The following DAPK2 variants were observed in gnomAD, a reference collection of about 807,000 sequenced individuals.
The protein encoded by DAPK2 is death-associated protein kinase 2.
A neutral mutation model predicts 44.1 loss-of-function variants in DAPK2; 35 were observed. The ratio of observed to expected loss-of-function variants is 0.79; its 90% confidence interval spans 0.61 to 1.05. DAPK2 has a LOEUF of 1.05. Among genes scored for constraint, DAPK2 ranks in the 50% least tolerant of loss-of-function variants. The pLI, the probability that DAPK2 is intolerant of heterozygous loss-of-function variation, is 0.00. For missense variants in DAPK2, 453 were observed against 483.2 expected, an observed-to-expected ratio of 0.94 and a Z score of 0.59; for synonymous variants, 174 against 182.6, an observed-to-expected ratio of 0.95 and a Z score of 0.38.
intron 7 of DAPK2, among the ~76,000 whole-genome samples, chr15:63,925,723 T>C (rs947874363): frequency 4.0e-5 from 5 of 126,348 alleles, no homozygotes; most frequent in African/African-American, 8.9e-5. Context: ...CACACACACA[T>C]TATTTACATT....
chr15:63,968,031 T>G (rs541279120), intron 3 of DAPK2, among the ~76,000 whole-genome samples: 2 of 152,074 alleles, frequency 1.3e-5, no homozygotes, highest in African/African-American at 4.8e-5. Context: ...AAATCCATCA[T>G]GGAGAATGAA....
At chr15:64,018,108 T>G (rs2079581334) in intron 1 of DAPK2, among the ~76,000 whole-genome samples, 1 of 152,282 alleles carries the variant, frequency 6.6e-6, no homozygotes, top group South Asian at 2.1e-4. Context: ...CCCCAAAACA[T>G]ACATCCTTTC....
chr15:63,955,666 T>C (rs2077703884), intron 3 of DAPK2, among the ~76,000 whole-genome samples: 1 of 152,100 alleles, frequency 6.6e-6, no homozygotes, highest in African/African-American at 2.4e-5. Context: ...CTCCAGGGCT[T>C]AGGTGATCCT....
chr15:63,966,061 T>C lies in DAPK2; in HGVS notation c.453+5362A>G, dbSNP rs6494456. 0.4 allele frequency among the ~76,000 whole-genome samples: 61,603 copies of C among 152,126 alleles called. 12,974 individuals carry two copies. The highest frequency in any genetic ancestry group is 0.45 in the Non-Finnish European group (30,494 of 67,966). ...TGCTGGGTCACACCTGAAGCCAGCA[T>C]GTCTCTGAGTGCACATCTCTGAGTG... On this transcript the variant is annotated intron_variant, in intron 3 of 10. Coordinates refer to ENST00000261891, the Ensembl canonical transcript of DAPK2. The surrounding 1 kb of genome is among the most constrained non-coding windows in gnomAD (Gnocchi z 5.5).
Position 64,020,751 on chromosome 15 carries a change from C to T in DAPK2, c.92+19419G>A, listed in dbSNP as rs2079658551. ...TAAAGAAAGTCCCTGTTCCCAAAAG[C>T]ACCTCAGGTACTAGAAGGAATAAAT... is the stretch of plus-strand genomic sequence containing the variant. On this transcript the variant is annotated intron_variant, in intron 1 of 10. Transcript: ENST00000261891. This position sits in a 1 kb window ranked among gnomAD's most constrained non-coding sequence, Gnocchi z 4.5. 6.6e-6 allele frequency among the ~76,000 whole-genome samples: 1 copy of T among 152,190 alleles called. No homozygotes were observed. Among genetic ancestry groups the T allele is most frequent in the Non-Finnish European group, 1.5e-5 (1 of 68,034 alleles).
Position 64,020,727 on chromosome 15 carries a change from A to G in DAPK2, c.92+19443T>C, listed in dbSNP as rs1567278517. 1.3e-5 allele frequency among the ~76,000 whole-genome samples: 2 copies of G among 152,242 alleles called. No homozygotes were observed. Among genetic ancestry groups the G allele is most frequent in the Admixed American group, 6.5e-5 (1 of 15,288 alleles). On this transcript the variant is annotated intron_variant, in intron 1 of 10. Transcript: ENST00000261891. The surrounding 1 kb of genome is among the most constrained non-coding windows in gnomAD (Gnocchi z 4.5). ...GGTAGCCCCTTGACAGCAGGCCTCT[A>G]AAGAAAGTCCCTGTTCCCAAAAGCA...
intron 1 of DAPK2, among the ~76,000 whole-genome samples, chr15:63,994,637 T>A (rs11631973): frequency 2.3e-4 from 34 of 147,076 alleles, no homozygotes; most frequent in Non-Finnish European, 7.4e-5. Flanking sequence ...TCGCCCAGGC[T>A]GGAGTGCAAT....
In DAPK2 at chr15:63,924,867, A is replaced by G. The variant is rs754250731; in HGVS notation, c.813-6T>C. On this transcript the variant is annotated splice_region_variant and splice_polypyrimidine_tract_variant and intron_variant, in intron 7 of 10. Coordinates refer to ENST00000261891, the Ensembl canonical transcript of DAPK2. The stretch of plus-strand genomic sequence containing the variant: ...CTTGGATTGTGAGCCGTTTCCTGCA[A>G]TGAGGATTGGGAAACAGTGATGATC... 4.3e-6 allele frequency: 7 copies of G among 1,613,958 alleles called. No homozygotes were observed. The East Asian group carries it at 6.7e-5, about 15-fold the overall frequency.
intron 1 of DAPK2, among the ~76,000 whole-genome samples, chr15:64,010,746 A>G (rs1231582211): frequency 2.0e-5 from 3 of 152,202 alleles, no homozygotes; most frequent in Non-Finnish European, 2.9e-5. Context: ...TATCCCATTC[A>G]TGAAGACAAG....
At chr15:63,924,900 A>T in intron 7 of DAPK2, 39 bp from the exon 9 acceptor site, 3 of 1,611,570 alleles carry the variant, frequency 1.9e-6, no homozygotes, top group Non-Finnish European at 1.7e-6. Context: ...ATCCATGAGG[A>T]CAGAAGTTGG....
chr15:63,931,925 G>A (rs1294221761), intron 4 of DAPK2, among the ~76,000 whole-genome samples: 2 of 152,150 alleles, frequency 1.3e-5, no homozygotes, highest in African/African-American at 4.8e-5. Flanking sequence ...AGCACTTTGG[G>A]AGGCCAAGGT....
At chr15:63,996,977 C>A (rs575128036) in intron 1 of DAPK2, among the ~76,000 whole-genome samples, 65 of 152,320 alleles carry the variant, frequency 4.3e-4, no homozygotes, top group African/African-American at 1.2e-3. Flanking sequence ...GCCCACAAGC[C>A]TGGAGGGCTG....
At chr15:63,968,938 AAAC>A (rs1225723342) in intron 3 of DAPK2, among the ~76,000 whole-genome samples, 10 of 152,326 alleles carry the variant, frequency 6.6e-5, no homozygotes, top group South Asian at 6.2e-4. Context: ...AGACACAATA[AAAC>A]AACAAGTTAA....
intron 2 of DAPK2, among the ~76,000 whole-genome samples, chr15:63,978,745 C>T (rs1315135601): frequency 6.6e-6 from 1 of 152,160 alleles, no homozygotes; most frequent in Non-Finnish European, 1.5e-5. Flanking sequence ...AAGTTTCTTT[C>T]CTCTTACATC....
At chr15:64,024,517 G>A (rs530996595) in intron 1 of DAPK2, among the ~76,000 whole-genome samples, 20 of 152,342 alleles carry the variant, frequency 1.3e-4, no homozygotes, top group Non-Finnish European at 2.6e-4. Flanking sequence ...AACCCCATGA[G>A]ATAGCAACCA....
At chr15:63,981,068 C>A (rs568978205) in intron 2 of DAPK2, among the ~76,000 whole-genome samples, 260 of 136,310 alleles carry the variant, frequency 1.9e-3, no homozygotes, top group African/African-American at 6.4e-3. Context: ...CTAGCCTAGA[C>A]GACAGAGCGA....
Position 64,020,545 on chromosome 15 carries a change from G to A in DAPK2, c.92+19625C>T, listed in dbSNP as rs535113885. Among the ~76,000 whole-genome samples, 84 of 152,256 alleles carry A rather than the reference G, an allele frequency of 5.5e-4. No homozygotes were observed. The highest frequency in any genetic ancestry group is 1.7e-3 in the African/African-American group (72 of 41,554). On this transcript the variant is annotated intron_variant, in intron 1 of 10. Transcript: ENST00000261891. This position sits in a 1 kb window ranked among gnomAD's most constrained non-coding sequence, Gnocchi z 4.5. The stretch of plus-strand genomic sequence containing the variant: ...TAAGCACCAGCTATGGAAAGGTATC[G>A]CTTGCTTCACCAAAGCAGCACTACT...
intron 1 of DAPK2, among the ~76,000 whole-genome samples, chr15:64,024,641 G>A (rs1170477049): frequency 6.6e-6 from 1 of 152,158 alleles, no homozygotes; most frequent in African/African-American, 2.4e-5. Context: ...GTCACTGCCA[G>A]GCTGTCCCGC....
chr15:64,027,687 C>G (rs2079890317), intron 1 of DAPK2, among the ~76,000 whole-genome samples: 1 of 152,218 alleles, frequency 6.6e-6, no homozygotes, highest in African/African-American at 2.4e-5. Flanking sequence ...AATTTCCCCA[C>G]AGTGAAAATG....
Sources: allele counts gnomAD v4.1 joint callset (sites outside exome capture counted in the v4.1 genomes callset), GRCh38; gene constraint gnomAD v4.1.1; non-coding constraint Gnocchi (gnomAD v3.1); transcripts MANE v1.5; gene names NCBI Gene and HGNC (gene_info 2026-07-23, HGNC 2026-07-21).